Variants in MMP20 observed in about 807,000 individuals in gnomAD.
The protein encoded by MMP20 is matrix metalloproteinase-20.
A neutral mutation model predicts 51.8 loss-of-function variants in MMP20; 50 were observed. The ratio of observed to expected loss-of-function variants is 0.97; its 90% CI spans 0.77 to 1.22. The LOEUF is 1.22. Among genes scored for constraint, MMP20 ranks in the 50% most tolerant of loss-of-function variants. The pLI is 0.00. For synonymous variants in MMP20, 244 were observed against 216.2 expected, an observed-to-expected ratio of 1.13 and a Z score of -1.13; for missense variants, 663 against 601.4, an observed-to-expected ratio of 1.10 and a Z score of -1.07.
intron 8 of MMP20, among the ~76,000 whole-genome samples, chr11:102,586,837 T>C (rs969854671): frequency 6.6e-6 from 1 of 152,108 alleles, no homozygotes; most frequent in African/African-American, 2.4e-5. Flanking sequence ...AATTGTTTCT[T>C]TTTTATTTGA....
At chr11:102,589,113 G>C (rs1859285497) in intron 8 of MMP20, among the ~76,000 whole-genome samples, 1 of 152,106 alleles carries the variant, frequency 6.6e-6, no homozygotes, top group African/African-American at 2.4e-5. Flanking sequence ...TCTGTAACCT[G>C]GTTTCCTTGG....
chr11:102,604,616 C>G (rs1295594025), intron 6 of MMP20, among the ~76,000 whole-genome samples: 1 of 152,134 alleles, frequency 6.6e-6, no homozygotes, highest in Non-Finnish European at 1.5e-5. Context: ...AGCCTGGGTT[C>G]CTGGGCTCAG....
At chr11:102,621,829 A>G (rs1859754508) in intron 1 of MMP20, among the ~76,000 whole-genome samples, 1 of 152,262 alleles carries the variant, frequency 6.6e-6, no homozygotes, top group East Asian at 1.9e-4. Flanking sequence ...TTTTGAAGAC[A>G]GTAACAATTT....
intron 5 of MMP20, 132 bp downstream of exon 5, chr11:102,608,805 C>T: frequency 2.0e-6 from 2 of 980,068 alleles, no homozygotes; most frequent in South Asian, 1.3e-5. Context: ...CAGCTCTTCA[C>T]AAGAAGGCAT....
chr11:102,608,585 G>A (rs982579347), intron 5 of MMP20, among the ~76,000 whole-genome samples: 1 of 152,150 alleles, frequency 6.6e-6, no homozygotes, highest in Admixed American at 6.5e-5. Flanking sequence ...AGGGAGATAA[G>A]GTCACTTATC....
At position 102,577,108 on chromosome 11, in the gene MMP20, G is replaced by A. The variant is rs185868865; in HGVS notation, c.*218C>T. 8.8e-5 allele frequency: 46 copies of A among 521,628 alleles called. No individual in the cohort carries two copies. Among genetic ancestry groups the A allele is most frequent in the African/African-American group, 7.7e-4 (40 of 52,002 alleles). 32.3% of individuals were successfully genotyped at this position (521,628 alleles called of 1,614,324 possible). On this transcript the variant is annotated 3_prime_UTR_variant, in exon 10 of 10. Transcript: ENST00000260228. ...AGTGCATTGTGTTGATTTGGATTTCGCATAAAGTTGCCCATATAAAAACTT... is the reference window on the plus strand; with the variant it reads ...AGTGCATTGTGTTGATTTGGATTTCACATAAAGTTGCCCATATAAAAACTT...
chr11:102,614,162 A>C (rs1159036546), intron 2 of MMP20, among the ~76,000 whole-genome samples: 7 of 152,156 alleles, frequency 4.6e-5, no homozygotes, highest in Non-Finnish European at 2.9e-5. Context: ...CATCATCTAC[A>C]TGTTATGATT....
intron 1 of MMP20, among the ~76,000 whole-genome samples, chr11:102,618,187 G>GTCAAAAAAAC (rs1286800303): frequency 1.3e-5 from 2 of 152,124 alleles, no homozygotes; most frequent in Non-Finnish European, 2.9e-5. Context: ...CCCTGAAACA[G>GTCAAAAAAAC]ATGCAACCGT....
At chr11:102,588,531 G>A (rs921160013) in intron 8 of MMP20, among the ~76,000 whole-genome samples, 2 of 151,926 alleles carry the variant, frequency 1.3e-5, no homozygotes, top group Admixed American at 1.3e-4. Context: ...TTATTGACAA[G>A]TATATTTCTA....
At chr11:102,603,465 G>C (rs1784432) in intron 6 of MMP20, among the ~76,000 whole-genome samples, 76,609 of 151,978 alleles carry the variant, frequency 0.5, 19,805 homozygotes, top group South Asian at 0.64. Context: ...TTGAATTCCA[G>C]CTCCACCCCT....
At chr11:102,614,386 ATG>A (rs1380148355) in intron 2 of MMP20, among the ~76,000 whole-genome samples, 1 of 152,134 alleles carries the variant, frequency 6.6e-6, no homozygotes, top group Non-Finnish European at 1.5e-5. Flanking sequence ...TGGATAGGCA[ATG>A]TGTGTGTTGA....
At chr11:102,603,688 C>T (rs771754442) in intron 6 of MMP20, among the ~76,000 whole-genome samples, 5 of 152,166 alleles carry the variant, frequency 3.3e-5, no homozygotes, top group South Asian at 2.1e-4. Context: ...GAGTTAGTGG[C>T]AAGTCCAGTG....
chr11:102,606,479 T>A (rs779154540), intron 6 of MMP20, 56 bp downstream of exon 6: 97 of 1,610,690 alleles, frequency 6.0e-5, no homozygotes, highest in Non-Finnish European at 7.4e-5. Flanking sequence ...GGGACGACGT[T>A]TGTCTGGGAG....
Position 102,593,615 on chromosome 11 carries a change from T to G in MMP20, c.1091-20A>C. ...GGGGACCTGAAAACAGAAATTAAAG[T>G]TTACGAAAACTCTGCACCACTTGGT... On this transcript the variant is annotated intron_variant, in intron 7 of 9. Coordinates refer to ENST00000260228, the MANE Select transcript of MMP20 (RefSeq NM_004771.4). 6.2e-7 allele frequency: 1 copy of G among 1,613,760 alleles called. No individual in the cohort carries two copies. Among genetic ancestry groups the G allele is most frequent in the Non-Finnish European group, 8.5e-7 (1 of 1,179,796 alleles).
intron 6 of MMP20, among the ~76,000 whole-genome samples, chr11:102,599,737 T>C (rs1202190996): frequency 6.6e-6 from 1 of 152,232 alleles, no homozygotes; most frequent in Non-Finnish European, 1.5e-5. Flanking sequence ...TGAGAAGCCA[T>C]TCATTCTATG....
In MMP20 at chr11:102,609,973, G is replaced by C. The variant is rs746254031; in HGVS notation, c.581C>G (p.Ala194Gly). ...GPRGTLAHAF[A>G]PGEGLGGDTH... is the part of the protein sequence containing the mutation. ...ATCTCCTCCCAGGCCTTCTCCAGGA[G>C]CAAATGCATGGGCTAGAGTCCCCCG... is the stretch of plus-strand genomic sequence containing the variant. Residue 194 changes from alanine to glycine, a missense_variant, in exon 4 of 10, where the codon GCT becomes GGT. Physicochemically the swap from Ala to Gly is moderately conservative, Grantham distance 60. Coordinates refer to ENST00000260228, the MANE Select transcript of MMP20 (RefSeq NM_004771.4). 1 of 1,614,156 alleles carries C rather than the reference G, an allele frequency of 6.2e-7. No homozygotes were observed. The highest frequency in any genetic ancestry group is 1.7e-5 in the Admixed American group (1 of 60,010).
At chr11:102,611,979 A>G in intron 2 of MMP20, 76 bp from the exon 3 acceptor site, 1 of 1,371,922 alleles carries the variant, frequency 7.3e-7, no homozygotes, top group East Asian at 2.3e-5. Context: ...TTGTATTCAA[A>G]AAATGTTAAA....
intron 2 of MMP20, among the ~76,000 whole-genome samples, chr11:102,612,779 C>T (rs1859619753): frequency 6.7e-6 from 1 of 149,352 alleles, no homozygotes; most frequent in South Asian, 2.1e-4. Context: ...TCTTGTCGCC[C>T]AGGCTGGAGT....
chr11:102,625,060 T>A (rs188152443), intron 1 of MMP20, 134 bp downstream of exon 1: 3 of 1,139,288 alleles, frequency 2.6e-6, no homozygotes, highest in African/African-American at 1.5e-5. Context: ...GAAGATAGCA[T>A]CAGTTAGACT....
Sources: gnomAD v4.1 joint callset for allele counts (sites outside exome capture counted in the v4.1 genomes callset) on GRCh38, gnomAD v4.1.1 for gene constraint, MANE v1.5 for transcripts, NCBI Gene and HGNC (gene_info 2026-07-23, HGNC 2026-07-21) for gene names.